The following TSNARE1 variants were observed in gnomAD, a reference collection of about 807,000 sequenced individuals.
TSNARE1 encodes t-SNARE domain-containing protein 1.
In TSNARE1, 49 loss-of-function variants were observed where a neutral mutation model predicts 62.0. The ratio of observed to expected loss-of-function variants is 0.79; its 90% CI spans 0.63 to 1.00. The LOEUF is 1.00. Among genes scored for constraint, TSNARE1 ranks in the 50% least tolerant of loss-of-function variants. TSNARE1 has a pLI of 0.00. For synonymous variants in TSNARE1, 328 were observed against 294.4 expected (o/e 1.11, Z -1.17); for missense variants, 755 against 700.1 (o/e 1.08, Z -0.88).
At chr8:142,344,687 T>A (rs1045364882) in intron 3 of TSNARE1, among the ~76,000 whole-genome samples, 3 of 152,186 alleles carry the variant, frequency 2.0e-5, no homozygotes, top group African/African-American at 7.2e-5. Context: ...AGCAAGCACG[T>A]AGCTTCTGGG....
chr8:142,237,762 C>T (rs917672330), intron 12 of TSNARE1, among the ~76,000 whole-genome samples: 1 of 152,158 alleles, frequency 6.6e-6, no homozygotes, highest in Non-Finnish European at 1.5e-5. Context: ...CGGGTGGATG[C>T]GGAGGGAGGG....
intron 1 of TSNARE1, among the ~76,000 whole-genome samples, chr8:142,358,782 C>A (rs934569251): frequency 6.6e-6 from 1 of 151,376 alleles, no homozygotes; most frequent in African/African-American, 2.4e-5. Context: ...TGGGTGCAAC[C>A]CCCCCATCGC....
chr8:142,239,054 C>T (rs1213552732), intron 12 of TSNARE1, among the ~76,000 whole-genome samples: 1 of 152,180 alleles, frequency 6.6e-6, no homozygotes, highest in Non-Finnish European at 1.5e-5. Context: ...CCAGCTGGGC[C>T]TAGGGGTGGG....
At chr8:142,358,821 T>C (rs1192949670) in intron 1 of TSNARE1, among the ~76,000 whole-genome samples, 1 of 152,066 alleles carries the variant, frequency 6.6e-6, no homozygotes. Flanking sequence ...CATGGGGTAC[T>C]GAGCTGTACC....
intron 1 of TSNARE1, among the ~76,000 whole-genome samples, chr8:142,362,916 A>G (rs1262887888): frequency 6.6e-6 from 1 of 152,134 alleles, no homozygotes; most frequent in African/African-American, 2.4e-5. Flanking sequence ...GACCAGTGAG[A>G]TGAAACATGT....
chr8:142,224,863 G>A (rs1450263441), intron 13 of TSNARE1, among the ~76,000 whole-genome samples: 1 of 152,172 alleles, frequency 6.6e-6, no homozygotes, highest in East Asian at 1.9e-4. Flanking sequence ...TCAGGATGCT[G>A]ATGAGGCTGA....
chr8:142,378,598 C>T (rs1405121491), intron 1 of TSNARE1, among the ~76,000 whole-genome samples: 4 of 152,208 alleles, frequency 2.6e-5, no homozygotes, highest in Non-Finnish European at 5.9e-5. Context: ...TTGAATCCAC[C>T]GCTCAGGGTA....
intron 1 of TSNARE1, among the ~76,000 whole-genome samples, chr8:142,374,855 G>A (rs1158209760): frequency 6.6e-6 from 1 of 152,116 alleles, no homozygotes; most frequent in Non-Finnish European, 1.5e-5. Flanking sequence ...GGGAACAGGC[G>A]CTGGCCTCGG....
chr8:142,344,006 C>G lies in TSNARE1; in HGVS notation c.705G>C (p.Gln235His). 6.4e-7 allele frequency: 1 copy of G among 1,552,646 alleles called. No homozygotes were observed. Among genetic ancestry groups the G allele is most frequent in the Non-Finnish European group, 8.7e-7 (1 of 1,147,884 alleles). ...EQVVAKTFSC[Q>H]ALPSEGFSLE... ...GACTGAAGCCCTCGGAGGGCAGGGCCTGGCAAGAGAAGGTCTTGGCCACCA... is the reference window on the plus strand; with the variant it reads ...GACTGAAGCCCTCGGAGGGCAGGGCGTGGCAAGAGAAGGTCTTGGCCACCA... Residue 235 changes from glutamine (Q) to histidine (H), a missense_variant, in exon 4 of 14, where the codon CAG becomes CAC. Gln to His is a conservative substitution (Grantham distance 24). Coordinates refer to ENST00000524325, the MANE Select transcript of TSNARE1 (RefSeq NM_145003.5).
chr8:142,326,230 T>C (rs34824852), intron 6 of TSNARE1: 12,886 of 59,164 alleles, frequency 0.22, 1,265 homozygotes, highest in East Asian at 0.27. Context: ...CTGGAGAGCA[T>C]GAGACGGATG....
chr8:142,276,321 C>A lies in TSNARE1; in HGVS notation c.1364-1458G>T, dbSNP rs908647754. Reference sequence around the variant, plus strand: ...ACATTAGGGTCACGACCCTCTGAGCCAATGGAGGAGGAGAGGGAAGGAAGA... The same window carrying A: ...ACATTAGGGTCACGACCCTCTGAGCAAATGGAGGAGGAGAGGGAAGGAAGA... On this transcript the variant is annotated intron_variant, in intron 11 of 13. Transcript: ENST00000524325. 3.9e-5 allele frequency: 38 copies of A among 985,430 alleles called. No individual in the cohort carries two copies. The South Asian group carries it at 8.5e-4, about 22-fold the overall frequency. 61.0% of individuals were successfully genotyped at this position (985,430 alleles called of 1,614,324 possible).
chr8:142,382,999 G>T (rs943636276), intron 1 of TSNARE1, among the ~76,000 whole-genome samples: 1 of 152,172 alleles, frequency 6.6e-6, no homozygotes, highest in Non-Finnish European at 1.5e-5. Flanking sequence ...GAGGGCAGGG[G>T]GGCAGGAAAG....
intron 1 of TSNARE1, among the ~76,000 whole-genome samples, chr8:142,355,997 C>G (rs1162966571): frequency 2.6e-5 from 4 of 152,220 alleles, no homozygotes; most frequent in Non-Finnish European, 4.4e-5. Flanking sequence ...CTACTAACAT[C>G]CACTGCATTA....
chr8:142,214,436 C>T (rs1302063602), intron 13 of TSNARE1, among the ~76,000 whole-genome samples: 1 of 152,240 alleles, frequency 6.6e-6, no homozygotes, highest in Non-Finnish European at 1.5e-5. Context: ...TGCACCCAGT[C>T]CCTGGATCCC....
At chr8:142,271,541 G>T in intron 12 of TSNARE1, 2 of 1,377,580 alleles carry the variant, frequency 1.5e-6, no homozygotes, top group Non-Finnish European at 1.9e-6. Context: ...TGCTGGTGGG[G>T]TGGAGGCTGG....
At position 142,344,516 on chromosome 8, in the gene TSNARE1, T is replaced by C. The variant is rs1833088811; in HGVS notation, c.239-44A>G. On this transcript the variant is annotated intron_variant, in intron 3 of 13. Transcript: ENST00000524325. ...GCGGATGTTTAAGGCCCTGGGCCTG[T>C]GGAGGCAGCGGCCCCGGCGGCAGCT... 2.1e-6 allele frequency: 3 copies of C among 1,445,066 alleles called. No homozygotes were observed. The African/African-American group carries it at 4.3e-5, about 21-fold the overall frequency. 89.5% of individuals were successfully genotyped at this position (1,445,066 alleles called of 1,614,324 possible).
chr8:142,357,115 C>T (rs762948443), intron 1 of TSNARE1, among the ~76,000 whole-genome samples: 12 of 152,136 alleles, frequency 7.9e-5, no homozygotes, highest in African/African-American at 1.4e-4. Flanking sequence ...CTTCTCCATC[C>T]GAGGAAGGAG....
intron 7 of TSNARE1, among the ~76,000 whole-genome samples, chr8:142,318,118 G>A (rs187588105): frequency 1.3e-5 from 2 of 152,230 alleles, no homozygotes; most frequent in Admixed American, 1.3e-4. Flanking sequence ...AGGCGCCAAG[G>A]TAGGTGAGGG....
Position 142,275,219 on chromosome 8 carries a change from C to T in TSNARE1, c.1364-356G>A. On this transcript the variant is annotated intron_variant, in intron 11 of 13. Transcript: ENST00000524325. ...GACCTTGCCTGGGCCAGCCCCTCCA[C>T]TCTGTGGCCACGGCCCCCTCTGAAG... The T allele has an allele frequency of 4.1e-6, 4 of 985,426 alleles. No homozygotes were observed. The South Asian group carries it at 1.9e-4, about 46-fold the overall frequency. 61.0% of individuals were successfully genotyped at this position (985,426 alleles called of 1,614,324 possible).
Sources: allele counts gnomAD v4.1 joint callset (sites outside exome capture counted in the v4.1 genomes callset), GRCh38; gene constraint gnomAD v4.1.1; transcripts MANE v1.5; gene names NCBI Gene and HGNC (gene_info 2026-07-23, HGNC 2026-07-21).